The following SLC25A48 variants were observed in gnomAD, a reference collection of about 807,000 sequenced individuals.
The protein encoded by SLC25A48 is solute carrier family 25 member 48, also known as CTC-321K16.1.
SLC25A48 carries 29 observed loss-of-function variants against 32.2 expected under a neutral mutation model. The observed-to-expected ratio is 0.90, with a 90% confidence interval of 0.67 to 1.23. The LOEUF is 1.23. Among genes scored for constraint, SLC25A48 ranks in the 50% most tolerant of loss-of-function variants. The pLI, the probability that SLC25A48 is intolerant of heterozygous loss-of-function variation, is 0.00. For synonymous variants in SLC25A48, 164 were observed against 172.3 expected (o/e 0.95, Z 0.38); for missense variants, 399 against 422.7 (o/e 0.94, Z 0.49).
chr5:135,843,673 C>T (rs150684355), intron 2 of SLC25A48, among the ~76,000 whole-genome samples: 127 of 152,290 alleles, frequency 8.3e-4, no homozygotes, highest in South Asian at 3.1e-3. Context: ...GAGCCAGATA[C>T]GCAGAACTGA....
intron 3 of SLC25A48, among the ~76,000 whole-genome samples, chr5:135,741,502 C>T (rs968942312): frequency 6.6e-6 from 1 of 152,090 alleles, no homozygotes; most frequent in African/African-American, 2.4e-5. Context: ...CTTTGGGAGG[C>T]CAAGGCAGGG....
At position 135,783,806 on chromosome 5, in the gene SLC25A48, A is replaced by T. The variant is rs1277793046; in HGVS notation, c.-520-28717A>T. Among the ~76,000 whole-genome samples the T allele has an allele frequency of 1.7e-5, 2 of 119,228 alleles. 1 individual carries two copies. The highest frequency in any genetic ancestry group is 5.1e-5 in the African/African-American group (2 of 39,058). 78.2% of individuals were successfully genotyped at this position (119,228 alleles called of 152,430 possible). ...ACATCCACCCTGTAATATCATTCCT[A>T]ATATACAGGAGAAGAATATATTAAT... is the stretch of plus-strand genomic sequence containing the variant. On this transcript the variant is annotated intron_variant, in intron 3 of 10. Transcript: ENST00000646290.
rs376283832 is a variant in SLC25A48 at position 135,858,286 on chromosome 5, C to T, written c.421+5465C>T. On this transcript the variant is annotated intron_variant, in intron 4 of 7. Coordinates refer to ENST00000681962, the MANE Select transcript of SLC25A48 (RefSeq NM_001349336.2). ...GCAAATATTTCTCAACCCTGCAAAG[C>T]TTTGAGCCATTAGAACCTGGGCTCA... Among the ~76,000 whole-genome samples the T allele has an allele frequency of 3.9e-5, 6 of 152,328 alleles. No homozygotes were observed. The South Asian group carries it at 1.0e-3, about 26-fold the overall frequency.
chr5:135,745,375 C>G (rs1755615489), intron 3 of SLC25A48, among the ~76,000 whole-genome samples: 1 of 152,174 alleles, frequency 6.6e-6, no homozygotes, highest in African/African-American at 2.4e-5. Context: ...CCACGTGTTC[C>G]TTGCCCTCAT....
chr5:135,876,263 C>T (rs1371441546), intron 6 of SLC25A48: 1 of 150,120 alleles, frequency 6.7e-6, no homozygotes, highest in African/African-American at 2.5e-5. Context: ...GTCTACTTCC[C>T]CAAATATTAA....
At chr5:135,824,144 A>G (rs1757963443) in intron 4 of SLC25A48, among the ~76,000 whole-genome samples, 1 of 152,192 alleles carries the variant, frequency 6.6e-6, no homozygotes, top group Admixed American at 6.5e-5. Context: ...CTGAGCTGAG[A>G]GTCCAGGAGC....
intron 3 of SLC25A48, among the ~76,000 whole-genome samples, chr5:135,774,640 G>T (rs529032956): frequency 6.6e-6 from 1 of 151,638 alleles, no homozygotes; most frequent in South Asian, 2.1e-4. Flanking sequence ...ATGGCATTGT[G>T]ATCAATATCC....
chr5:135,609,330 TGAC>T (rs1752011990), intron 1 of SLC25A48: 1 of 152,254 alleles, frequency 6.6e-6, no homozygotes, highest in Non-Finnish European at 1.5e-5. Context: ...GGAATACAAC[TGAC>T]TGAGACAATC....
chr5:135,702,658 A>G (rs1191045542), intron 3 of SLC25A48, among the ~76,000 whole-genome samples: 1 of 152,256 alleles, frequency 6.6e-6, no homozygotes, highest in African/African-American at 2.4e-5. Flanking sequence ...AGTCTGGACC[A>G]TACCTGGTGC....
chr5:135,785,446 A>AACAC (rs1157975278), intron 3 of SLC25A48, among the ~76,000 whole-genome samples: 1 of 150,990 alleles, frequency 6.6e-6, no homozygotes, highest in East Asian at 2.0e-4. Flanking sequence ...CGGGAGGTGG[A>AACAC]ACACCCCCTT....
At chr5:135,795,162 C>T (rs1427791891) in intron 3 of SLC25A48, among the ~76,000 whole-genome samples, 1 of 151,800 alleles carries the variant, frequency 6.6e-6, no homozygotes, top group Non-Finnish European at 1.5e-5. Context: ...TTATTACTCC[C>T]AATATCGCAA....
chr5:135,731,508 G>A lies in SLC25A48; in HGVS notation c.-520-81015G>A, dbSNP rs1392442721. ...AATGTTTCTTGGGGCTGCTTCAAGC[G>A]GTATTAGGGGTGACGTGGGAACCCA... On this transcript the variant is annotated intron_variant, in intron 3 of 10. Transcript: ENST00000646290. Among the ~76,000 whole-genome samples, 5 of 152,176 alleles carry A rather than the reference G, an allele frequency of 3.3e-5. No individual in the cohort carries two copies. In the South Asian group the frequency reaches 6.2e-4, roughly 19 times the overall value.
intron 4 of SLC25A48, among the ~76,000 whole-genome samples, chr5:135,818,493 A>G (rs1254355996): frequency 9.2e-5 from 14 of 152,232 alleles, no homozygotes; most frequent in Non-Finnish European, 2.1e-4. Flanking sequence ...AAACAGACCC[A>G]AATGAATACA....
intron 3 of SLC25A48, among the ~76,000 whole-genome samples, chr5:135,648,208 C>T (rs1753017783): frequency 6.6e-6 from 1 of 152,152 alleles, no homozygotes; most frequent in Non-Finnish European, 1.5e-5. Flanking sequence ...CTTGGGCTGC[C>T]TCTGGGGTCT....
At chr5:135,608,692 T>C (rs1440249702) in intron 1 of SLC25A48, among the ~76,000 whole-genome samples, 3 of 152,238 alleles carry the variant, frequency 2.0e-5, no homozygotes, top group African/African-American at 7.2e-5. Context: ...CAATGACTGA[T>C]AGAAGTGGCT....
chr5:135,782,982 G>GA (rs1756753757), intron 3 of SLC25A48, among the ~76,000 whole-genome samples: 1 of 114,056 alleles, frequency 8.8e-6, no homozygotes. Flanking sequence ...AACATCCAGG[G>GA]GGGGAGAATG....
At chr5:135,818,091 CT>C (rs1757779314) in intron 4 of SLC25A48, among the ~76,000 whole-genome samples, 4 of 142,936 alleles carry the variant, frequency 2.8e-5, no homozygotes, top group East Asian at 4.0e-4. Context: ...CTCTCTCTCT[CT>C]CTCTCTCTCT....
At chr5:135,586,355 A>G (rs545168384) in intron 1 of SLC25A48, among the ~76,000 whole-genome samples, 1 of 152,378 alleles carries the variant, frequency 6.6e-6, no homozygotes, top group South Asian at 2.1e-4. Flanking sequence ...TAACAAACAA[A>G]AAATACAAAA....
At chr5:135,593,571 T>C (rs1751576189) in intron 1 of SLC25A48, among the ~76,000 whole-genome samples, 1 of 152,192 alleles carries the variant, frequency 6.6e-6, no homozygotes, top group Admixed American at 6.5e-5. Flanking sequence ...ATAGACAAAG[T>C]TCCAAGGGCT....
Sources: gnomAD v4.1 joint callset for allele counts (sites outside exome capture counted in the v4.1 genomes callset) on GRCh38, gnomAD v4.1.1 for gene constraint, MANE v1.5 for transcripts, NCBI Gene and HGNC (gene_info 2026-07-23, HGNC 2026-07-21) for gene names.